The following ELMO2 variants were observed in gnomAD, a reference collection of about 807,000 sequenced individuals.
ELMO2 encodes engulfment and cell motility 2.
ELMO2 carries 37 observed loss-of-function variants against 96.2 expected under a neutral mutation model. The ratio of observed to expected loss-of-function variants is 0.38; its 90% confidence interval spans 0.30 to 0.51. The LOEUF (loss-of-function observed/expected upper bound fraction) is 0.51, where lower values mean the gene tolerates loss of function less well. ELMO2 is among the 20% of genes least tolerant of loss of function. ELMO2 has a pLI of 0.88. For missense variants in ELMO2, 561 were observed against 912.6 expected (o/e 0.61, Z 4.96); for synonymous variants, 315 against 329.4 (o/e 0.96, Z 0.47).
In ELMO2 at chr20:46,371,517, C is replaced by A; in HGVS notation, c.1694-58G>T. ...ACGACAGTACTGGGAAAGGCCTGGGCACAAAAGGGGCCATCCAGGCAGGCT... is the reference window on the plus strand; with the variant it reads ...ACGACAGTACTGGGAAAGGCCTGGGAACAAAAGGGGCCATCCAGGCAGGCT... On this transcript the variant is annotated intron_variant, in intron 18 of 21. Coordinates refer to ENST00000290246, the MANE Select transcript of ELMO2 (RefSeq NM_133171.5). The surrounding 1 kb of genome is among the most constrained non-coding windows in gnomAD (Gnocchi z 5.9). 6.2e-7 allele frequency: 1 copy of A among 1,608,780 alleles called. No individual in the cohort carries two copies. Among genetic ancestry groups the A allele is most frequent in the Non-Finnish European group, 8.5e-7 (1 of 1,175,900 alleles).
rs188737696 is a variant in ELMO2, at chr20:46,367,217, T to A, written c.*143A>T. 4.0e-6 allele frequency: 3 copies of A among 751,378 alleles called. No homozygotes were observed. In the Admixed American group the frequency reaches 1.1e-4, roughly 27 times the overall value. 46.5% of individuals were successfully genotyped at this position (751,378 alleles called of 1,614,324 possible). A position where few individuals can be genotyped will look rare whatever the true frequency, so the allele number is the denominator to read the frequency against. Reference sequence around the variant, plus strand: ...AGAGGAAACTCTGGGTGGTCCGAGGTGGGTTTGAGAAATGGCTGGCATTTA... The same window carrying A: ...AGAGGAAACTCTGGGTGGTCCGAGGAGGGTTTGAGAAATGGCTGGCATTTA... On this transcript the variant is annotated 3_prime_UTR_variant, in exon 22 of 22. Transcript: ENST00000290246.
chr20:46,405,592 G>A (rs2060421176), intron 1 of ELMO2, among the ~76,000 whole-genome samples: 1 of 152,132 alleles, frequency 6.6e-6, no homozygotes, highest in Non-Finnish European at 1.5e-5. Context: ...ATCCAGATCT[G>A]CTCTGCATTT....
rs558103211 is a variant in ELMO2 at position 46,375,206 on chromosome 20, C to G, written c.1065+30G>C. The G allele has an allele frequency of 1.0e-5, 16 of 1,606,850 alleles. No homozygotes were observed. The African/African-American group carries it at 2.0e-4, about 20-fold the overall frequency. On this transcript the variant is annotated intron_variant, in intron 13 of 21. Transcript: ENST00000290246. The surrounding 1 kb of genome is among the most constrained non-coding windows in gnomAD (Gnocchi z 4.6). The stretch of plus-strand genomic sequence containing the variant: ...TTGACTTCCCATCAGGGGAGAGGGC[C>G]TACCACCGTCTATGCTCTGAGGTAC...
At chr20:46,404,507 A>T (rs895549011) in intron 1 of ELMO2, among the ~76,000 whole-genome samples, 3 of 152,196 alleles carry the variant, frequency 2.0e-5, no homozygotes, top group Non-Finnish European at 4.4e-5. Context: ...CAAACTCTAG[A>T]ATTATCCCCG....
chr20:46,387,138 T>C (rs2060060318), intron 8 of ELMO2, among the ~76,000 whole-genome samples, 200 bp downstream of exon 8: 2 of 152,164 alleles, frequency 1.3e-5, no homozygotes, highest in Admixed American at 1.3e-4. Context: ...TCCAGTTCCA[T>C]CTCAGTGCAG....
At chr20:46,405,395 G>A (rs2060414211) in intron 1 of ELMO2, among the ~76,000 whole-genome samples, 1 of 152,104 alleles carries the variant, frequency 6.6e-6, no homozygotes, top group South Asian at 2.1e-4. Flanking sequence ...AAGGCCCCAA[G>A]GAAGGCAGGA....
chr20:46,380,365 G>A (rs983267604), intron 10 of ELMO2, 62 bp from the exon 11 acceptor site: 20 of 1,346,772 alleles, frequency 1.5e-5, no homozygotes, highest in East Asian at 7.0e-5. Flanking sequence ...GACTACTATC[G>A]AGAGGAAGGT....
chr20:46,369,169 C>T, intron 20 of ELMO2: 2 of 526,800 alleles, frequency 3.8e-6, no homozygotes, highest in Non-Finnish European at 3.4e-6. Context: ...ACTCCCTGCC[C>T]AAGTCACATC....
At chr20:46,383,346 CAA>C in intron 10 of ELMO2, 68 bp downstream of exon 10, 1 of 1,448,092 alleles carries the variant, frequency 6.9e-7, no homozygotes, top group Non-Finnish European at 9.7e-7. Context: ...CTCTGCATAG[CAA>C]AGAGTGCATG....
At chr20:46,391,186 G>A (rs2060144067) in intron 6 of ELMO2, among the ~76,000 whole-genome samples, 1 of 152,170 alleles carries the variant, frequency 6.6e-6, no homozygotes, top group African/African-American at 2.4e-5. Context: ...TCCTTAAGAT[G>A]AGAAGAGTTC....
At chr20:46,382,948 AG>A (rs1056981431) in intron 10 of ELMO2, among the ~76,000 whole-genome samples, 59 of 152,310 alleles carry the variant, frequency 3.9e-4, no homozygotes, top group African/African-American at 1.4e-3. Context: ...GACTCAGGGT[AG>A]CCACAGGGTC....
chr20:46,397,799 C>T (rs1347507640), intron 2 of ELMO2, among the ~76,000 whole-genome samples: 3 of 152,086 alleles, frequency 2.0e-5, no homozygotes, highest in Admixed American at 1.3e-4. Context: ...GCCAAAGATC[C>T]GTACGAGCCA....
intron 21 of ELMO2, 64 bp from the exon 22 acceptor site, chr20:46,367,624 GTC>G (rs1363693623): frequency 4.2e-5 from 58 of 1,390,066 alleles, no homozygotes; most frequent in Admixed American, 1.3e-4. Context: ...TCCTGCCAAG[GTC>G]TCTTTTCTGA....
At chr20:46,401,881 GTCTTCTGTAC>G (rs2060342436) in intron 1 of ELMO2, among the ~76,000 whole-genome samples, 1 of 152,150 alleles carries the variant, frequency 6.6e-6, no homozygotes, top group African/African-American at 2.4e-5. Flanking sequence ...TGTGATCCCA[GTCTTCTGTAC>G]ATACCTTCCT....
At position 46,371,332 on chromosome 20, in the gene ELMO2, C is replaced by G. The variant is rs780254229; in HGVS notation, c.1801+20G>C. The G allele has an allele frequency of 2.5e-6, 4 of 1,611,634 alleles. No homozygotes were observed. The Admixed American group carries it at 6.7e-5, about 27-fold the overall frequency. Reference sequence around the variant, plus strand: ...GACAAGTCCAGCAACCATGACACATCAACAGAGAAATGAACCTACTTTTCT... The same window carrying G: ...GACAAGTCCAGCAACCATGACACATGAACAGAGAAATGAACCTACTTTTCT... On this transcript the variant is annotated intron_variant, in intron 19 of 21. Coordinates refer to ENST00000290246, the MANE Select transcript of ELMO2 (RefSeq NM_133171.5). This position sits in a 1 kb window ranked among gnomAD's most constrained non-coding sequence, Gnocchi z 5.9.
rs200814147 is a variant in ELMO2, at chr20:46,373,358, G to A, written c.1416+41C>T. 4.7e-5 allele frequency: 75 copies of A among 1,610,622 alleles called. No individual in the cohort carries two copies. The East Asian group carries it at 1.5e-3, about 33-fold the overall frequency. ...AGCTGTCAAAGGCTGTCGTGTGATG[G>A]TCTCCTCCCGTGGGCCTCAGAGCAG... On this transcript the variant is annotated intron_variant, in intron 16 of 21. Transcript: ENST00000290246.
At position 46,406,574 on chromosome 20, in the gene ELMO2, T is replaced by G. The variant is rs401379; in HGVS notation, c.-152A>C. On this transcript the variant is annotated 5_prime_UTR_variant, in exon 1 of 22. Transcript: ENST00000290246. Reference sequence around the variant, plus strand: ...AGGGCGCAGACCTAGGCCCAGCTCCTGCTCCCGGGTCTCCGCTCGGCGGCT... The same window carrying G: ...AGGGCGCAGACCTAGGCCCAGCTCCGGCTCCCGGGTCTCCGCTCGGCGGCT... The G allele has an allele frequency of 6.6e-6, 1 of 152,668 alleles. No individual in the cohort carries two copies. The highest frequency in any genetic ancestry group is 6.5e-5 in the Admixed American group (1 of 15,286). 9.5% of individuals were successfully genotyped at this position (152,668 alleles called of 1,614,324 possible).
chr20:46,369,648 G>T (rs568144891), intron 20 of ELMO2: 1 of 153,856 alleles, frequency 6.5e-6, no homozygotes, highest in African/African-American at 2.4e-5. Context: ...ACCACCAGAC[G>T]TTATGTGCCT....
At position 46,374,384 on chromosome 20, in the gene ELMO2, A is replaced by G. The variant is rs2059808494; in HGVS notation, c.1227T>C (p.Ser409=). 1.2e-6 allele frequency: 2 copies of G among 1,614,100 alleles called. No individual in the cohort carries two copies. Among genetic ancestry groups the G allele is most frequent in the Non-Finnish European group, 1.7e-6 (2 of 1,180,010 alleles). ...EDKHECPFGR[S]AIELTKMLCE... is the part of the protein sequence containing the mutation. Reference sequence around the variant, plus strand: ...AGAGCATTTTGGTGAGCTCAATGGCACTGCGGCCAAAGGGGCATTCATGTT... The same window carrying G: ...AGAGCATTTTGGTGAGCTCAATGGCGCTGCGGCCAAAGGGGCATTCATGTT... The change falls in exon 15 of 22, where the codon AGT becomes AGC. Residue 409 remains serine, a synonymous_variant. Coordinates refer to ENST00000290246, the MANE Select transcript of ELMO2 (RefSeq NM_133171.5).
Sources: gnomAD v4.1 joint callset for allele counts (sites outside exome capture counted in the v4.1 genomes callset) on GRCh38, gnomAD v4.1.1 for gene constraint, Gnocchi (gnomAD v3.1) non-coding constraint, MANE v1.5 for transcripts, NCBI Gene and HGNC (gene_info 2026-07-23, HGNC 2026-07-21) for gene names.